RBFOX3: variants seen among roughly 807,000 people sequenced by gnomAD.
RBFOX3 encodes RNA binding protein fox-1 homolog 3.
RBFOX3 carries 17 observed loss-of-function variants against 48.7 expected under a neutral mutation model. The ratio of observed to expected loss-of-function variants is 0.35; its 90% CI spans 0.24 to 0.52. The LOEUF (loss-of-function observed/expected upper bound fraction) is 0.52. RBFOX3 is among the 20% of genes least tolerant of loss of function. RBFOX3 has a pLI of 0.94. For synonymous variants in RBFOX3, 212 were observed against 209.5 expected, an observed-to-expected ratio of 1.01 and a Z score of -0.10; for missense variants, 382 against 497.5, an observed-to-expected ratio of 0.77 and a Z score of 2.21.
At chr17:79,158,306 C>T (rs1046945478) in intron 4 of RBFOX3, among the ~76,000 whole-genome samples, 2 of 152,188 alleles carry the variant, frequency 1.3e-5, no homozygotes, top group Admixed American at 1.3e-4. Context: ...AATACGGCTA[C>T]TTACTAGTCG....
At chr17:79,175,014 C>A (rs552609687) in intron 4 of RBFOX3, among the ~76,000 whole-genome samples, 68 of 152,322 alleles carry the variant, frequency 4.5e-4, no homozygotes, top group South Asian at 1.0e-3. Context: ...CCGTGCCAAC[C>A]CCCAGGCATG....
intron 2 of RBFOX3, among the ~76,000 whole-genome samples, chr17:79,340,654 G>A (rs986202193): frequency 1.3e-5 from 2 of 152,208 alleles, no homozygotes; most frequent in South Asian, 4.2e-4. Flanking sequence ...ACACGGGTCT[G>A]GCACTCAGAA....
intron 1 of RBFOX3, among the ~76,000 whole-genome samples, chr17:79,558,171 G>A (rs2091918895): frequency 6.6e-6 from 1 of 152,174 alleles, no homozygotes; most frequent in African/African-American, 2.4e-5. Context: ...CTGTTTGGGG[G>A]CAGGAAAGAC....
intron 4 of RBFOX3, among the ~76,000 whole-genome samples, chr17:79,194,614 G>GA (rs71161651): frequency 2.1e-4 from 31 of 149,664 alleles, no homozygotes; most frequent in African/African-American, 2.5e-4. Context: ...TGTCTCAAAA[G>GA]AAAAAAAAAA....
intron 4 of RBFOX3, among the ~76,000 whole-genome samples, chr17:79,120,837 C>T (rs530683395): frequency 2.2e-4 from 33 of 151,992 alleles, no homozygotes; most frequent in African/African-American, 7.0e-4. Context: ...CAAACTTGCC[C>T]CCCTCTTCTA....
At chr17:79,485,822 G>A (rs1415610371) in intron 1 of RBFOX3, among the ~76,000 whole-genome samples, 6 of 152,190 alleles carry the variant, frequency 3.9e-5, no homozygotes, top group Admixed American at 1.3e-4. Flanking sequence ...CTCTGCCGCC[G>A]GCTAGGCGAA....
At position 79,482,622 on chromosome 17, in the gene RBFOX3, A is replaced by C. The variant is rs926673665; in HGVS notation, c.-319-24T>G. ...ACCTGCAGGGGGAAAAAAGCAAGTA[A>C]AAAAATTGCCTTTGAAGAAAACATC... On this transcript the variant is annotated intron_variant, in intron 1 of 14. Transcript: ENST00000693108. The surrounding 1 kb of genome is among the most constrained non-coding windows in gnomAD (Gnocchi z 4.1). The C allele has an allele frequency of 2.6e-5, 4 of 152,130 alleles. No homozygotes were observed. The highest frequency in any genetic ancestry group is 4.4e-5 in the Non-Finnish European group (3 of 68,006). The allele number at this position is 152,130 out of a possible 1,614,324, so 9.4% of individuals were successfully genotyped here. A position where few individuals can be genotyped will look rare whatever the true frequency, so the allele number is the denominator to read the frequency against.
intron 3 of RBFOX3, among the ~76,000 whole-genome samples, chr17:79,259,119 G>A (rs1873596442): frequency 6.6e-6 from 1 of 152,204 alleles, no homozygotes. Context: ...CTGTCTGTAG[G>A]GATGACGACA....
At chr17:79,255,215 ATGTGTGCGTGTGTG>A (rs756714778) in intron 3 of RBFOX3, among the ~76,000 whole-genome samples, 3 of 128,700 alleles carry the variant, frequency 2.3e-5, no homozygotes, top group African/African-American at 9.3e-5. Flanking sequence ...CTGTGGTCAC[ATGTGTGCGTGTGTG>A]TGTGTGTGTG....
In RBFOX3 at chr17:79,471,551, G is replaced by A. The variant is rs1338611817; in HGVS notation, c.-175+10903C>T. ...GCAGCCGCCAGTTACCCAGTACTGT[G>A]GGTACAGGCGTGAGCTTTCTCAGCT... On this transcript the variant is annotated intron_variant, in intron 2 of 14. Coordinates refer to ENST00000693108, the MANE Select transcript of RBFOX3 (RefSeq NM_001350451.2). The surrounding 1 kb of genome is among the most constrained non-coding windows in gnomAD (Gnocchi z 4.0). Among the ~76,000 whole-genome samples the A allele has an allele frequency of 2.0e-5, 3 of 152,168 alleles. No homozygotes were observed. The highest frequency in any genetic ancestry group is 4.4e-5 in the Non-Finnish European group (3 of 68,022).
intron 1 of RBFOX3, among the ~76,000 whole-genome samples, chr17:79,520,324 T>C (rs1599028977): frequency 6.6e-6 from 1 of 152,166 alleles, no homozygotes; most frequent in Non-Finnish European, 1.5e-5. Flanking sequence ...ACTGGGGACG[T>C]GCAGGGCAGC....
intron 3 of RBFOX3, among the ~76,000 whole-genome samples, chr17:79,301,257 C>A (rs1340964983): frequency 6.6e-6 from 1 of 152,246 alleles, no homozygotes; most frequent in African/African-American, 2.4e-5. Context: ...GTGGACCAAG[C>A]CCTTTAACAG....
At chr17:79,241,364 G>C (rs559299347) in intron 3 of RBFOX3, among the ~76,000 whole-genome samples, 1 of 152,148 alleles carries the variant, frequency 6.6e-6, no homozygotes, top group South Asian at 2.1e-4. Context: ...TGCACTTCTG[G>C]GGAGGTGATA....
At chr17:79,261,842 C>T (rs976964500) in intron 3 of RBFOX3, among the ~76,000 whole-genome samples, 2 of 152,198 alleles carry the variant, frequency 1.3e-5, no homozygotes, top group Non-Finnish European at 2.9e-5. Context: ...TTCTTGGCAG[C>T]TTCTGATGGA....
chr17:79,232,405 T>C (rs1022400413), intron 4 of RBFOX3, among the ~76,000 whole-genome samples: 1 of 152,208 alleles, frequency 6.6e-6, no homozygotes, highest in African/African-American at 2.4e-5. Flanking sequence ...ATCACTGTAA[T>C]AGCTGTGGTA....
chr17:79,534,632 A>G (rs1184282878), intron 1 of RBFOX3, among the ~76,000 whole-genome samples: 6 of 152,162 alleles, frequency 3.9e-5, no homozygotes, highest in Non-Finnish European at 8.8e-5. Flanking sequence ...TCCAAGAAAA[A>G]AGGTGTTCCT....
At chr17:79,542,511 A>AGGCCGGACAC (rs71307200) in intron 1 of RBFOX3, among the ~76,000 whole-genome samples, 38,434 of 152,014 alleles carry the variant, frequency 0.25, 6,006 homozygotes, top group East Asian at 0.52. Flanking sequence ...TCAGTTTTCT[A>AGGCCGGACAC]GGTGGCTGAC....
chr17:79,389,354 C>T (rs886564043), intron 2 of RBFOX3, among the ~76,000 whole-genome samples: 5 of 152,202 alleles, frequency 3.3e-5, no homozygotes, highest in Non-Finnish European at 7.3e-5. Context: ...CTCTGGAGCA[C>T]TCCTGCCCCT....
intron 2 of RBFOX3, among the ~76,000 whole-genome samples, chr17:79,378,643 C>T (rs1598438182): frequency 6.6e-6 from 1 of 152,266 alleles, no homozygotes; most frequent in African/African-American, 2.4e-5. Context: ...AAAGAAACCT[C>T]CTCTCGCTCT....
Sources: allele counts gnomAD v4.1 joint callset (sites outside exome capture counted in the v4.1 genomes callset), GRCh38; gene constraint gnomAD v4.1.1; non-coding constraint Gnocchi (gnomAD v3.1); transcripts MANE v1.5; gene names NCBI Gene and HGNC (gene_info 2026-07-23, HGNC 2026-07-21).